ATP6V0A4: variants seen among roughly 807,000 people sequenced by gnomAD.
ATP6V0A4 encodes the protein ATPase H+ transporting V0 subunit a4.
A neutral mutation model predicts 107.3 loss-of-function variants in ATP6V0A4; 86 were observed. The ratio of observed to expected loss-of-function variants is 0.80; its 90% CI spans 0.67 to 0.96. ATP6V0A4 has a LOEUF of 0.96. Ranked by LOEUF, ATP6V0A4 falls within the 40% of genes least tolerant of loss-of-function variation. The pLI is 0.00. For synonymous variants in ATP6V0A4, 353 were observed against 381.4 expected, an observed-to-expected ratio of 0.93 and a Z score of 0.87; for missense variants, 908 against 1,045.6, an observed-to-expected ratio of 0.87 and a Z score of 1.81.
At chr7:138,769,047 C>T in intron 4 of ATP6V0A4, 126 bp downstream of exon 4, 1 of 1,567,156 alleles carries the variant, frequency 6.4e-7, no homozygotes. Context: ...TCCAGGTGGG[C>T]CTCTGGGACC....
intron 5 of ATP6V0A4, among the ~76,000 whole-genome samples, chr7:138,768,101 T>A (rs533148141): frequency 6.6e-6 from 1 of 152,202 alleles, no homozygotes; most frequent in South Asian, 2.1e-4. Context: ...CCCCGGCTAA[T>A]TTTTGTATAT....
chr7:138,740,819 T>C (rs1194030041), intron 14 of ATP6V0A4, among the ~76,000 whole-genome samples: 1 of 151,482 alleles, frequency 6.6e-6, no homozygotes, highest in Non-Finnish European at 1.5e-5. Context: ...ACTGCATCTG[T>C]GGAAGGGCCC....
At chr7:138,707,346 TTATAA>T (rs1300476041) in intron 21 of ATP6V0A4, among the ~76,000 whole-genome samples, 1 of 102,184 alleles carries the variant, frequency 9.8e-6, no homozygotes, top group African/African-American at 4.0e-5. Context: ...AATATATATA[TTATAA>T]TATATATTAT....
At chr7:138,722,334 A>C (rs1351242335) in intron 18 of ATP6V0A4, among the ~76,000 whole-genome samples, 1 of 151,700 alleles carries the variant, frequency 6.6e-6, no homozygotes, top group Admixed American at 6.6e-5. Context: ...TCTCAAAAAA[A>C]TAAATAAATA....
intron 15 of ATP6V0A4, among the ~76,000 whole-genome samples, chr7:138,737,060 G>T (rs76243020): frequency 3.0e-5 from 4 of 135,202 alleles, no homozygotes; most frequent in Non-Finnish European, 6.2e-5. Context: ...GATGCCAAAC[G>T]CAGTCAGTAA....
intron 2 of ATP6V0A4, among the ~76,000 whole-genome samples, chr7:138,778,710 C>A (rs79243995): frequency 0.05 from 7,675 of 152,010 alleles, 264 homozygotes; most frequent in Non-Finnish European, 0.076. Context: ...ATGGCCCTGC[C>A]CCCCACCCCA....
chr7:138,713,385 T>C (rs1373719070), intron 20 of ATP6V0A4, among the ~76,000 whole-genome samples: 1 of 151,830 alleles, frequency 6.6e-6, no homozygotes, highest in Non-Finnish European at 1.5e-5. Flanking sequence ...AGTGTGTGTA[T>C]GTGAGTTTGT....
chr7:138,739,524 A>G lies in ATP6V0A4; in HGVS notation c.1572+16T>C, dbSNP rs1248603526. On this transcript the variant is annotated intron_variant, in intron 15 of 21. Coordinates refer to ENST00000310018, the MANE Select transcript of ATP6V0A4 (RefSeq NM_020632.3). ...AGTTCACATAAGAAATATTTAACCCAAGAAGACATTATTACCGGATCAATC... is the reference window on the plus strand; with the variant it reads ...AGTTCACATAAGAAATATTTAACCCGAGAAGACATTATTACCGGATCAATC... 9 of 1,613,720 alleles carry G rather than the reference A, an allele frequency of 5.6e-6. No homozygotes were observed. Among genetic ancestry groups the G allele is most frequent in the Non-Finnish European group, 7.6e-6 (9 of 1,179,780 alleles).
At chr7:138,763,210 CA>C in intron 5 of ATP6V0A4, 185 bp from the exon 6 acceptor site, 2 of 358,052 alleles carry the variant, frequency 5.6e-6, no homozygotes, top group Middle Eastern at 1.4e-3. Context: ...CACACACACA[CA>C]CGTGCATGCT....
intron 1 of ATP6V0A4, among the ~76,000 whole-genome samples, chr7:138,795,274 C>T (rs1264535777): frequency 6.6e-6 from 1 of 152,122 alleles, no homozygotes; most frequent in African/African-American, 2.4e-5. Context: ...ACAAACAGCT[C>T]ATCTAAAACA....
intron 13 of ATP6V0A4, among the ~76,000 whole-genome samples, chr7:138,745,793 A>C (rs1805893961): frequency 6.8e-6 from 1 of 147,980 alleles, no homozygotes; most frequent in Non-Finnish European, 1.5e-5. Flanking sequence ...GTCTCTACTA[A>C]AATTAGCCAG....
chr7:138,708,327 T>C (rs1475669995), intron 21 of ATP6V0A4, among the ~76,000 whole-genome samples: 12 of 152,214 alleles, frequency 7.9e-5, no homozygotes, highest in Admixed American at 1.3e-4. Flanking sequence ...ATTACAGGCA[T>C]GAGCCACCGT....
chr7:138,715,715 T>TG (rs1157947696), intron 20 of ATP6V0A4, 49 bp downstream of exon 20: 12 of 1,594,982 alleles, frequency 7.5e-6, no homozygotes, highest in African/African-American at 1.3e-5. Context: ...ACCTATTTCC[T>TG]GGGGTGTTGG....
intron 20 of ATP6V0A4, among the ~76,000 whole-genome samples, chr7:138,710,638 C>CA (rs1803691945): frequency 1.3e-5 from 2 of 152,240 alleles, no homozygotes; most frequent in South Asian, 4.1e-4. Context: ...AACCACATTT[C>CA]AAAAAACGTT....
At position 138,734,163 on chromosome 7, in the gene ATP6V0A4, C is replaced by T. The variant is rs1174050319; in HGVS notation, c.1664G>A (p.Gly555Asp). 2 of 1,613,424 alleles carry T rather than the reference C, an allele frequency of 1.2e-6. No individual in the cohort carries two copies. The highest frequency in any genetic ancestry group is 2.2e-5 in the East Asian group (1 of 44,874). The change falls in exon 16 of 22, where the codon GGT becomes GAT. Residue 555 changes from glycine (G) to aspartate (D), a missense_variant. Coordinates refer to ENST00000310018, the MANE Select transcript of ATP6V0A4 (RefSeq NM_020632.3). The part of the protein sequence containing the change: ...VILGIVQMVF[G>D]VILSLFNHIY... The stretch of plus-strand genomic sequence containing the variant: ...GTGATTGAAAAGGCTGAGGATGACA[C>T]CGAAAACCATCTGGACAATTCCCAG...
intron 7 of ATP6V0A4, among the ~76,000 whole-genome samples, chr7:138,762,094 G>C (rs1258738108): frequency 6.6e-6 from 1 of 152,160 alleles, no homozygotes; most frequent in Non-Finnish European, 1.5e-5. Flanking sequence ...GCTTCCAATG[G>C]GGGAGCAATA....
intron 18 of ATP6V0A4, among the ~76,000 whole-genome samples, chr7:138,727,651 AT>A (rs1245436700): frequency 6.6e-6 from 1 of 152,184 alleles, no homozygotes; most frequent in Non-Finnish European, 1.5e-5. Context: ...CCAGGTCAAT[AT>A]CCAACAAAGA....
chr7:138,740,548 TCTC>T (rs1805582856), intron 14 of ATP6V0A4, among the ~76,000 whole-genome samples: 1 of 133,466 alleles, frequency 7.5e-6, no homozygotes, highest in Non-Finnish European at 1.6e-5. Flanking sequence ...TTCAAGCAAT[TCTC>T]CTGCCTCAGG....
In ATP6V0A4 at chr7:138,766,037, C is replaced by G. The variant is rs138809296; in HGVS notation, c.291+2743G>C. ...AAAGTGCTGGGATTACAGGCATGAGCCACCATGGCCAGCCCTGGTGCTGTT... is the reference window on the plus strand; with the variant it reads ...AAAGTGCTGGGATTACAGGCATGAGGCACCATGGCCAGCCCTGGTGCTGTT... On this transcript the variant is annotated intron_variant, in intron 5 of 21. Transcript: ENST00000310018. Among the ~76,000 whole-genome samples, 104 of 152,194 alleles carry G rather than the reference C, an allele frequency of 6.8e-4. 1 individual carries two copies. Among genetic ancestry groups the G allele is most frequent in the African/African-American group, 2.5e-3 (104 of 41,536 alleles).
Sources: gnomAD v4.1 joint callset for allele counts (sites outside exome capture counted in the v4.1 genomes callset) on GRCh38, gnomAD v4.1.1 for gene constraint, MANE v1.5 for transcripts, NCBI Gene and HGNC (gene_info 2026-07-23, HGNC 2026-07-21) for gene names.